The following PLSCR1 variants were observed in gnomAD, a reference collection of about 807,000 sequenced individuals.
The protein encoded by PLSCR1 is PL scramblase 1.
A neutral mutation model predicts 37.8 loss-of-function variants in PLSCR1; 17 were observed. The ratio of observed to expected loss-of-function variants is 0.45; its 90% CI spans 0.31 to 0.68. The LOEUF is 0.68. PLSCR1 is among the 30% of genes least tolerant of loss of function. PLSCR1 has a pLI of 0.06. For synonymous variants in PLSCR1, 116 were observed against 125.9 expected (o/e 0.92, Z 0.53); for missense variants, 347 against 380.9 (o/e 0.91, Z 0.74).
At chr3:146,520,429 C>G (rs1200144887) in intron 7 of PLSCR1, among the ~76,000 whole-genome samples, 2 of 152,124 alleles carry the variant, frequency 1.3e-5, no homozygotes, top group Non-Finnish European at 2.9e-5. Flanking sequence ...CCATCCCTTA[C>G]ATGAAGAACT....
At chr3:146,516,482 A>G (rs343321) in intron 8 of PLSCR1, 161,130 of 178,570 alleles carry the variant, frequency 0.9, 72,948 homozygotes, top group East Asian at 1. Context: ...TAGTCCTTGG[A>G]GTTTTTAAAG....
chr3:146,534,234 T>A (rs563810270), intron 2 of PLSCR1, among the ~76,000 whole-genome samples: 120 of 152,308 alleles, frequency 7.9e-4, no homozygotes, highest in African/African-American at 2.8e-3. Flanking sequence ...TTCGGTTACC[T>A]ACCGCAGCCA....
At chr3:146,538,855 A>G (rs2044300425) in intron 1 of PLSCR1, among the ~76,000 whole-genome samples, 1 of 152,146 alleles carries the variant, frequency 6.6e-6, no homozygotes, top group Non-Finnish European at 1.5e-5. Flanking sequence ...TAGTTGTTTT[A>G]GGCTTTCAAG....
At chr3:146,520,226 T>C (rs2044000335) in intron 7 of PLSCR1, 1 of 152,154 alleles carries the variant, frequency 6.6e-6, no homozygotes, top group Non-Finnish European at 1.5e-5. Context: ...GAATGGATGC[T>C]TTAAGGTATC....
intron 2 of PLSCR1, among the ~76,000 whole-genome samples, chr3:146,534,227 G>A (rs185958770): frequency 5.0e-4 from 76 of 152,096 alleles, no homozygotes; most frequent in Non-Finnish European, 9.6e-4. Flanking sequence ...CTAGTCATTC[G>A]GTTACCTACC....
At chr3:146,534,862 C>T (rs113923470) in intron 2 of PLSCR1, among the ~76,000 whole-genome samples, 27 of 152,034 alleles carry the variant, frequency 1.8e-4, no homozygotes, top group Admixed American at 3.9e-4. Flanking sequence ...GGCGACAGAG[C>T]GAGACTCCAT....
Position 146,517,904 on chromosome 3 carries a change from G to T in PLSCR1, c.739-737C>A, listed in dbSNP as rs573907143. Reference sequence around the variant, plus strand: ...TCCTCTAGGAGGGCAGGTGGGGACTGAATGTAGCTGAAATTCACAAAACTA... The same window carrying T: ...TCCTCTAGGAGGGCAGGTGGGGACTTAATGTAGCTGAAATTCACAAAACTA... On this transcript the variant is annotated intron_variant, in intron 7 of 8. Transcript: ENST00000342435. Among the ~76,000 whole-genome samples the T allele has an allele frequency of 4.5e-4, 69 of 152,318 alleles. No individual in the cohort carries two copies. The South Asian group carries it at 0.014, about 31-fold the overall frequency.
At chr3:146,519,872 AT>A (rs1338114383) in intron 7 of PLSCR1, among the ~76,000 whole-genome samples, 1 of 152,062 alleles carries the variant, frequency 6.6e-6, no homozygotes, top group Admixed American at 6.5e-5. Context: ...TATCTCCAAA[AT>A]TTTTTTCATC....
chr3:146,531,261 T>C (rs1260554062), intron 3 of PLSCR1, among the ~76,000 whole-genome samples: 1 of 152,056 alleles, frequency 6.6e-6, no homozygotes, highest in Non-Finnish European at 1.5e-5. Flanking sequence ...ATCTGAAAAA[T>C]AGCCAGTCTA....
chr3:146,523,748 A>G (rs2044066379), intron 5 of PLSCR1, among the ~76,000 whole-genome samples: 1 of 152,232 alleles, frequency 6.6e-6, no homozygotes, highest in Non-Finnish European at 1.5e-5. Context: ...TGAGGGAAAC[A>G]GATGGCTGCA....
intron 4 of PLSCR1, 46 bp from the exon 5 acceptor site, chr3:146,525,693 GT>G: frequency 1.2e-6 from 1 of 856,974 alleles, no homozygotes; most frequent in East Asian, 2.6e-5. Flanking sequence ...TCAAATGAAG[GT>G]TTTTATAAGC....
intron 4 of PLSCR1, among the ~76,000 whole-genome samples, chr3:146,526,215 A>G (rs1210015285): frequency 2.6e-5 from 4 of 150,996 alleles, no homozygotes; most frequent in Non-Finnish European, 4.4e-5. Context: ...GAAAGAAAAA[A>G]AAAAGAAAAG....
At chr3:146,536,769 T>C (rs983369449) in intron 1 of PLSCR1, 5 of 488,340 alleles carry the variant, frequency 1.0e-5, no homozygotes, top group Admixed American at 3.5e-5. Flanking sequence ...AATTTAGAAA[T>C]TGTTGGTCAG....
At chr3:146,528,099 T>C (rs941519911) in intron 4 of PLSCR1, 3 of 152,420 alleles carry the variant, frequency 2.0e-5, no homozygotes, top group Admixed American at 6.5e-5. Flanking sequence ...TTATTGAAAC[T>C]CAACAATAAA....
intron 1 of PLSCR1, among the ~76,000 whole-genome samples, chr3:146,538,934 C>T (rs2044301537): frequency 6.6e-6 from 1 of 152,140 alleles, no homozygotes. Context: ...GCTATGCATC[C>T]TGGTAAACAG....
intron 4 of PLSCR1, among the ~76,000 whole-genome samples, chr3:146,526,522 T>A (rs1447823822): frequency 6.6e-6 from 1 of 152,168 alleles, no homozygotes; most frequent in Admixed American, 6.5e-5. Flanking sequence ...CAGTATTTTT[T>A]CAAAATTTTC....
chr3:146,530,200 C>T (rs2044176957), intron 3 of PLSCR1, among the ~76,000 whole-genome samples: 2 of 152,042 alleles, frequency 1.3e-5, no homozygotes, highest in South Asian at 4.1e-4. Flanking sequence ...AAAGCCTATG[C>T]AAAATGTAAT....
At chr3:146,516,353 T>G (rs1245162219) in intron 8 of PLSCR1, 1 of 331,250 alleles carries the variant, frequency 3.0e-6, no homozygotes, top group Admixed American at 4.9e-5. Flanking sequence ...TCCAGTCATT[T>G]TCTCTAAATG....
chr3:146,535,759 G>T (rs553219278), intron 2 of PLSCR1, among the ~76,000 whole-genome samples: 6 of 152,048 alleles, frequency 3.9e-5, no homozygotes, highest in Non-Finnish European at 8.8e-5. Flanking sequence ...TTTGAGTTTT[G>T]TAAGTAAAAA....
Sources: gnomAD v4.1 joint callset for allele counts (sites outside exome capture counted in the v4.1 genomes callset) on GRCh38, gnomAD v4.1.1 for gene constraint, MANE v1.5 for transcripts, NCBI Gene and HGNC (gene_info 2026-07-23, HGNC 2026-07-21) for gene names.